The following VASH2 variants were observed in gnomAD, a reference collection of about 807,000 sequenced individuals.
VASH2 encodes tubulinyl-Tyr carboxypeptidase 2.
In VASH2, 28 loss-of-function variants were observed where a neutral mutation model predicts 37.2. The observed-to-expected ratio is 0.75, with a 90% CI of 0.56 to 1.03. The LOEUF (loss-of-function observed/expected upper bound fraction) is 1.03, where lower values mean the gene tolerates loss of function less well. VASH2 is among the 50% of genes least tolerant of loss of function. The probability of loss-of-function intolerance (pLI) is 0.00; values close to 1 mark genes in which losing one functional copy is unlikely to be tolerated. For synonymous variants in VASH2, 188 were observed against 174.7 expected (o/e 1.08, Z -0.60); for missense variants, 419 against 459.1 (o/e 0.91, Z 0.80).
chr1:212,983,082 A>G (rs1305074076), intron 7 of VASH2, among the ~76,000 whole-genome samples: 5 of 152,266 alleles, frequency 3.3e-5, no homozygotes, highest in African/African-American at 1.2e-4. Flanking sequence ...ATTCACTATC[A>G]TCCATTTACA....
intron 2 of VASH2, among the ~76,000 whole-genome samples, chr1:212,953,044 T>G (rs1408444913): frequency 6.6e-6 from 1 of 152,292 alleles, no homozygotes; most frequent in Non-Finnish European, 1.5e-5. Flanking sequence ...GTTCCTGGTT[T>G]GCAGTTCTGA....
chr1:212,962,789 C>G (rs778001295), intron 3 of VASH2, among the ~76,000 whole-genome samples: 24 of 152,298 alleles, frequency 1.6e-4, no homozygotes, highest in Non-Finnish European at 3.4e-4. Flanking sequence ...CAGCCCTAGC[C>G]CTTGGAAGGC....
chr1:212,990,787 G>A lies in VASH2; in HGVS notation c.*2203G>A, dbSNP rs2075850980. 6.6e-6 allele frequency: 1 copy of A among 152,036 alleles called. No individual in the cohort carries two copies. 9.4% of individuals were successfully genotyped at this position (152,036 alleles called of 1,614,324 possible). On this transcript the variant is annotated 3_prime_UTR_variant, in exon 8 of 8. Transcript: ENST00000517399. ...AAGCAAGGTTTAGTCACACAAACTTGAAAGTACATTTAAAATGTTCTTAGT... is the reference window on the plus strand; with the variant it reads ...AAGCAAGGTTTAGTCACACAAACTTAAAAGTACATTTAAAATGTTCTTAGT...
chr1:212,960,100 C>T lies in VASH2; in HGVS notation c.277-1066C>T, dbSNP rs186854981. ...CAAACCGTGCCTGGCTTTTCAGCAG[C>T]GACTTGATTGGACGTCCCTGTCTGT... On this transcript the variant is annotated intron_variant, in intron 2 of 7. Coordinates refer to ENST00000517399, the MANE Select transcript of VASH2 (RefSeq NM_001301056.2). 1.6e-3 allele frequency among the ~76,000 whole-genome samples: 251 copies of T among 152,302 alleles called. 1 individual carries two copies. Among genetic ancestry groups the T allele is most frequent in the African/African-American group, 5.7e-3 (239 of 41,576 alleles).
In VASH2 at chr1:212,972,965, G is replaced by C. The variant is rs369275438; in HGVS notation, c.879+4G>C. On this transcript the variant is annotated splice_donor_region_variant and intron_variant, in intron 6 of 7. Coordinates refer to ENST00000517399, the MANE Select transcript of VASH2 (RefSeq NM_001301056.2). The stretch of plus-strand genomic sequence containing the variant: ...TGCCAGGGACATGAGAATGAAGGTG[G>C]GTGCTGGGAAGACAAGGAAGCCATG... 1.2e-6 allele frequency: 2 copies of C among 1,607,952 alleles called. No homozygotes were observed. The highest frequency in any genetic ancestry group is 1.7e-6 in the Non-Finnish European group (2 of 1,179,732).
intron 7 of VASH2, among the ~76,000 whole-genome samples, chr1:212,975,231 G>A (rs530957682): frequency 1.3e-4 from 20 of 151,024 alleles, no homozygotes. Context: ...GGAAGAACAG[G>A]ACAGGACGAA....
rs978197358 is a variant in VASH2 at position 212,989,107 on chromosome 1, C to G, written c.*523C>G. On this transcript the variant is annotated 3_prime_UTR_variant, in exon 8 of 8. Coordinates refer to ENST00000517399, the MANE Select transcript of VASH2 (RefSeq NM_001301056.2). ...TTATATTCTATTTGTATTCTTTCCC[C>G]AGTATTTCCCATGGGGATCTCCACA... 1.3e-5 allele frequency: 2 copies of G among 156,408 alleles called. No homozygotes were observed. The highest frequency in any genetic ancestry group is 2.8e-5 in the Non-Finnish European group (2 of 70,232). 9.7% of individuals were successfully genotyped at this position (156,408 alleles called of 1,614,324 possible).
intron 7 of VASH2, among the ~76,000 whole-genome samples, chr1:212,977,286 T>G (rs1667206030): frequency 6.6e-6 from 1 of 152,188 alleles, no homozygotes; most frequent in African/African-American, 2.4e-5. Context: ...AGCAAGCTGC[T>G]TCTCTGTGCC....
chr1:212,982,301 C>G (rs918528481), intron 7 of VASH2, among the ~76,000 whole-genome samples: 61 of 152,156 alleles, frequency 4.0e-4, no homozygotes, highest in African/African-American at 1.4e-3. Context: ...ACTCTTTTTC[C>G]CCTAAAACAA....
At chr1:212,953,897 T>G (rs535822085) in intron 2 of VASH2, among the ~76,000 whole-genome samples, 2 of 152,256 alleles carry the variant, frequency 1.3e-5, no homozygotes, top group South Asian at 2.1e-4. Context: ...TAGCTCCTTT[T>G]GCCCTTTTTC....
At chr1:212,970,328 T>C (rs1666971951) in intron 5 of VASH2, among the ~76,000 whole-genome samples, 1 of 152,158 alleles carries the variant, frequency 6.6e-6, no homozygotes, top group Admixed American at 6.5e-5. Context: ...GATCAGTGAC[T>C]CGTGACATGA....
At position 212,951,164 on chromosome 1, in the gene VASH2, T is replaced by A. The variant is rs1666291239; in HGVS notation, c.-204-175T>A. 6.6e-6 allele frequency: 1 copy of A among 152,368 alleles called. No individual in the cohort carries two copies. The highest frequency in any genetic ancestry group is 2.4e-5 in the African/African-American group (1 of 41,456). 9.4% of individuals were successfully genotyped at this position (152,368 alleles called of 1,614,324 possible). A position where few individuals can be genotyped will look rare whatever the true frequency, so the allele number is the denominator to read the frequency against. The stretch of plus-strand genomic sequence containing the variant: ...GTGTGTGTGAAGCTTCGTGGCACAT[T>A]TTGAGCTGCCTTTCTAGGTAATCGC... On this transcript the variant is annotated intron_variant, in intron 1 of 7. Transcript: ENST00000517399. The surrounding 1 kb of genome is among the most constrained non-coding windows in gnomAD (Gnocchi z 4.4).
intron 2 of VASH2, among the ~76,000 whole-genome samples, chr1:212,953,430 C>T (rs940597403): frequency 3.3e-5 from 5 of 152,132 alleles, no homozygotes; most frequent in African/African-American, 4.8e-5. Context: ...AAATCCTCCT[C>T]GCAGCACCCT....
In VASH2 at chr1:212,951,494, T is replaced by TGCCGCC. The variant is rs1192093183; in HGVS notation, c.-43_-38dup. On this transcript the variant is annotated 5_prime_UTR_variant, in exon 2 of 8. Transcript: ENST00000517399. This position sits in a 1 kb window ranked among gnomAD's most constrained non-coding sequence, Gnocchi z 4.4. ...ACACGCCCCCCGCCGCCGCCGCCGC[T>TGCCGCC]GCCGCCGCCGCGCGCCCCCAGTACC... 4.2e-6 allele frequency: 5 copies of TGCCGCC among 1,191,940 alleles called. No individual in the cohort carries two copies. The African/African-American group carries it at 6.4e-5, about 15-fold the overall frequency. 73.8% of individuals were successfully genotyped at this position (1,191,940 alleles called of 1,614,324 possible). A position where few individuals can be genotyped will look rare whatever the true frequency, so the allele number is the denominator to read the frequency against.
At chr1:212,975,022 A>G (rs747595772) in intron 7 of VASH2, 10 of 152,272 alleles carry the variant, frequency 6.6e-5, no homozygotes, top group Non-Finnish European at 1.2e-4. Context: ...ACACAAGCAC[A>G]TTATCGTCAT....
At chr1:212,968,596 C>T (rs1666917210) in intron 5 of VASH2, 11 of 985,472 alleles carry the variant, frequency 1.1e-5, no homozygotes, top group South Asian at 4.7e-5. Context: ...CCTCCCCAAC[C>T]CTCTTGTCAT....
At chr1:212,988,405 C>A (rs2075818866) in intron 7 of VASH2, 107 bp from the exon 8 acceptor site, 1 of 1,158,380 alleles carries the variant, frequency 8.6e-7, no homozygotes, top group African/African-American at 1.5e-5. Flanking sequence ...GAGGATGAGA[C>A]AAATATCAGA....
intron 7 of VASH2, among the ~76,000 whole-genome samples, chr1:212,986,133 G>A (rs1410137367): frequency 6.6e-6 from 1 of 152,152 alleles, no homozygotes. Context: ...ACAAAACCAG[G>A]AAAGGTAGTA....
At chr1:212,979,512 G>T (rs1268261279) in intron 7 of VASH2, among the ~76,000 whole-genome samples, 1 of 152,166 alleles carries the variant, frequency 6.6e-6, no homozygotes, top group African/African-American at 2.4e-5. Flanking sequence ...CCCAGTCCCT[G>T]TCTGCCATGG....
Sources: gnomAD v4.1 joint callset for allele counts (sites outside exome capture counted in the v4.1 genomes callset) on GRCh38, gnomAD v4.1.1 for gene constraint, Gnocchi (gnomAD v3.1) non-coding constraint, MANE v1.5 for transcripts, NCBI Gene and HGNC (gene_info 2026-07-23, HGNC 2026-07-21) for gene names.